Variants in CMSS1 observed in about 807,000 individuals in gnomAD.
CMSS1 encodes the protein cms1 ribosomal small subunit homolog.
CMSS1 carries 33 observed loss-of-function variants against 43.5 expected under a neutral mutation model. The ratio of observed to expected loss-of-function variants is 0.76; its 90% CI spans 0.57 to 1.01. The LOEUF (loss-of-function observed/expected upper bound fraction) is 1.01, where lower values mean the gene tolerates loss of function less well. Among genes scored for constraint, CMSS1 ranks in the 50% least tolerant of loss-of-function variants. CMSS1 has a pLI of 0.00. For missense variants in CMSS1, 313 were observed against 326.4 expected (o/e 0.96, Z 0.32); for synonymous variants, 115 against 117.2 (o/e 0.98, Z 0.12).
At chr3:100,004,151 T>G (rs891477613) in intron 1 of CMSS1, among the ~76,000 whole-genome samples, 11 of 152,170 alleles carry the variant, frequency 7.2e-5, no homozygotes, top group African/African-American at 2.7e-4. Context: ...ATTTGCAAGG[T>G]AATTTTGACA....
chr3:100,051,171 A>G (rs1289696841), intron 1 of CMSS1: 1 of 152,096 alleles, frequency 6.6e-6, no homozygotes, highest in Non-Finnish European at 1.5e-5. Flanking sequence ...ATTTAAATGG[A>G]TCACAATTCT....
In CMSS1 at chr3:100,135,331, G is replaced by C. The variant is rs186955227; in HGVS notation, c.65-11642G>C. ...ATGTTCAAACATTTAAAACAAACTA[G>C]AAAGGAAGAAGGATTGGGAGCTTTA... On this transcript the variant is annotated intron_variant, in intron 1 of 9. Transcript: ENST00000421999. 2.2e-4 allele frequency among the ~76,000 whole-genome samples: 34 copies of C among 152,206 alleles called. No individual in the cohort carries two copies. The East Asian group carries it at 6.6e-3, about 29-fold the overall frequency.
intron 1 of CMSS1, among the ~76,000 whole-genome samples, chr3:99,975,099 A>G (rs1445421953): frequency 6.6e-6 from 1 of 152,180 alleles, no homozygotes; most frequent in Non-Finnish European, 1.5e-5. Context: ...TATCTAGATT[A>G]AGCCCAGTGA....
At chr3:99,873,061 G>A (rs1410516441) in intron 1 of CMSS1, among the ~76,000 whole-genome samples, 1 of 152,126 alleles carries the variant, frequency 6.6e-6, no homozygotes, top group Non-Finnish European at 1.5e-5. Flanking sequence ...AGCCATAGGA[G>A]GTTCTAAAAG....
intron 1 of CMSS1, among the ~76,000 whole-genome samples, chr3:99,913,179 T>C (rs1407329541): frequency 6.6e-6 from 1 of 152,106 alleles, no homozygotes; most frequent in Admixed American, 6.6e-5. Flanking sequence ...CTGTGAGAAA[T>C]AAATTTCTGT....
Position 100,167,787 on chromosome 3 carries a change from G to T in CMSS1, c.465G>T (p.Ser155=), listed in dbSNP as rs375895581. 7 of 1,613,312 alleles carry T rather than the reference G, an allele frequency of 4.3e-6. No homozygotes were observed. The highest frequency in any genetic ancestry group is 5.9e-6 in the Non-Finnish European group (7 of 1,179,748). Residue 155 remains serine, a synonymous_variant, in exon 6 of 10, where the codon TCG becomes TCT. Coordinates refer to ENST00000421999, the MANE Select transcript of CMSS1 (RefSeq NM_032359.4). ...GGAAGAACCACAGTGAGAAGAAATC[G>T]GTCCTGATGCTGATCATCTGCAGCT... ...KLRKNHSEKK[S]VLMLIICSSA... is the part of the protein sequence containing the mutation.
At position 99,970,932 on chromosome 3, in the gene CMSS1, AT is replaced by A. The variant is rs1334780496; in HGVS notation, c.64+152891del. 2.0e-5 allele frequency among the ~76,000 whole-genome samples: 3 copies of A among 152,252 alleles called. No homozygotes were observed. In the East Asian group the frequency reaches 5.8e-4, roughly 29 times the overall value. On this transcript the variant is annotated intron_variant, in intron 1 of 9. Coordinates refer to ENST00000421999, the MANE Select transcript of CMSS1 (RefSeq NM_032359.4). Reference sequence around the variant, plus strand: ...GATGGGTTAGGAAGCTGTTGCAGTCATTCATGTGAAGGAATAGGGCTTGGCA... The same window carrying A: ...GATGGGTTAGGAAGCTGTTGCAGTCATCATGTGAAGGAATAGGGCTTGGCA...
At chr3:99,918,656 G>C (rs1707030302) in intron 1 of CMSS1, among the ~76,000 whole-genome samples, 1 of 152,036 alleles carries the variant, frequency 6.6e-6, no homozygotes, top group South Asian at 2.1e-4. Context: ...TCTGTTGAAA[G>C]TTAAGTCATG....
At chr3:100,133,856 G>T (rs922097887) in intron 1 of CMSS1, among the ~76,000 whole-genome samples, 4 of 152,192 alleles carry the variant, frequency 2.6e-5, no homozygotes, top group Admixed American at 2.0e-4. Flanking sequence ...GTAAGAAAAG[G>T]CTTTTTCCAT....
chr3:99,935,400 A>T (rs1285452084), intron 1 of CMSS1, among the ~76,000 whole-genome samples: 1 of 152,172 alleles, frequency 6.6e-6, no homozygotes. Flanking sequence ...ACACAGCCTA[A>T]TGTGTTGTTA....
At chr3:100,117,878 T>TATATATATACAC (rs1357671856) in intron 1 of CMSS1, among the ~76,000 whole-genome samples, 17 of 129,084 alleles carry the variant, frequency 1.3e-4, no homozygotes, top group African/African-American at 4.4e-4. Context: ...TATATATATA[T>TATATATATACAC]ACACATACAA....
chr3:99,916,128 T>G (rs967585103), intron 1 of CMSS1, among the ~76,000 whole-genome samples: 2 of 152,196 alleles, frequency 1.3e-5, no homozygotes, highest in Non-Finnish European at 2.9e-5. Flanking sequence ...GCATTTTAGT[T>G]GGTAGACTGC....
chr3:99,995,992 T>G (rs928090480), intron 1 of CMSS1, among the ~76,000 whole-genome samples: 2 of 152,252 alleles, frequency 1.3e-5, no homozygotes, highest in Non-Finnish European at 2.9e-5. Flanking sequence ...GTGATTAACA[T>G]TCGGCTCCTT....
intron 2 of CMSS1, among the ~76,000 whole-genome samples, chr3:100,147,442 T>A (rs2066863654): frequency 6.6e-6 from 1 of 151,794 alleles, no homozygotes; most frequent in Non-Finnish European, 1.5e-5. Flanking sequence ...CCAGCTAATT[T>A]TTTTATGTTT....
chr3:100,003,649 G>A (rs1709906585), intron 1 of CMSS1, among the ~76,000 whole-genome samples: 1 of 151,968 alleles, frequency 6.6e-6, no homozygotes, highest in African/African-American at 2.4e-5. Context: ...GTGTACTCGA[G>A]AAGTTTTTGC....
chr3:99,839,041 G>T (rs1362668805), intron 1 of CMSS1, among the ~76,000 whole-genome samples: 3 of 151,924 alleles, frequency 2.0e-5, no homozygotes, highest in Non-Finnish European at 4.4e-5. Flanking sequence ...CCTCCTGCCT[G>T]CCCCCACACC....
At chr3:100,042,800 G>C (rs1278570171) in intron 1 of CMSS1, among the ~76,000 whole-genome samples, 3 of 152,158 alleles carry the variant, frequency 2.0e-5, no homozygotes, top group Non-Finnish European at 4.4e-5. Context: ...ACGTTTTAAA[G>C]TTCCTAACAA....
chr3:100,041,760 C>T (rs996267823), intron 1 of CMSS1, among the ~76,000 whole-genome samples: 16 of 152,116 alleles, frequency 1.1e-4, no homozygotes, highest in African/African-American at 3.9e-4. Context: ...GGTTTTAGAC[C>T]TACCAGAGAT....
intron 1 of CMSS1, among the ~76,000 whole-genome samples, chr3:99,950,403 A>G (rs1482945093): frequency 6.6e-6 from 1 of 152,168 alleles, no homozygotes; most frequent in East Asian, 1.9e-4. Context: ...AACTTAGAAA[A>G]GTTAAGTAAG....
Sources: gnomAD v4.1 joint callset for allele counts (sites outside exome capture counted in the v4.1 genomes callset) on GRCh38, gnomAD v4.1.1 for gene constraint, MANE v1.5 for transcripts, NCBI Gene and HGNC (gene_info 2026-07-23, HGNC 2026-07-21) for gene names.